The following LRRC8B variants were observed in gnomAD, a reference collection of about 807,000 sequenced individuals.
The protein encoded by LRRC8B is leucine rich repeat containing 8 VRAC subunit B, also known as volume-regulated anion channel subunit LRRC8B.
A neutral mutation model predicts 58.8 loss-of-function variants in LRRC8B; 23 were observed. The ratio of observed to expected loss-of-function variants is 0.39; its 90% confidence interval spans 0.28 to 0.55. LRRC8B has a LOEUF of 0.55. LRRC8B is among the 20% of genes least tolerant of loss of function. LRRC8B has a pLI of 0.62. For synonymous variants in LRRC8B, 359 were observed against 374.1 expected, an observed-to-expected ratio of 0.96 and a Z score of 0.47; for missense variants, 694 against 936.0, an observed-to-expected ratio of 0.74 and a Z score of 3.37.
In LRRC8B at chr1:89,579,674, A is replaced by C. The variant is rs375832362; in HGVS notation, c.-41A>C. Reference sequence around the variant, plus strand: ...GACTGAAGCATATTGGATTTATTTAATTTTTTTCACTGTAGTAAGTATAAA... The same window carrying C: ...GACTGAAGCATATTGGATTTATTTACTTTTTTTCACTGTAGTAAGTATAAA... On this transcript the variant is annotated 5_prime_UTR_variant, in exon 4 of 6. Transcript: ENST00000330947. 1 of 152,570 alleles carries C rather than the reference A, an allele frequency of 6.6e-6. No individual in the cohort carries two copies. The highest frequency in any genetic ancestry group is 1.5e-5 in the Non-Finnish European group (1 of 68,016). The allele number at this position is 152,570 out of a possible 1,614,324, so 9.5% of individuals were successfully genotyped here. A position where few individuals can be genotyped will look rare whatever the true frequency, so the allele number is the denominator to read the frequency against.
intron 1 of LRRC8B, among the ~76,000 whole-genome samples, chr1:89,559,623 T>C (rs1262028649): frequency 7.5e-6 from 1 of 133,038 alleles, no homozygotes; most frequent in Non-Finnish European, 1.6e-5. Context: ...AAAATATATA[T>C]ATATATACAC....
Position 89,560,577 on chromosome 1 carries a change from C to T in LRRC8B, c.-240-7670C>T, listed in dbSNP as rs531117030. ...ACAGTCCCCAGAGTGTGATATTCCC[C>T]TTCCTGTGTCCATGTGATCTCATTG... On this transcript the variant is annotated intron_variant, in intron 1 of 5. Transcript: ENST00000330947. Among the ~76,000 whole-genome samples the T allele has an allele frequency of 9.9e-3, 1,471 of 149,318 alleles. 12 individuals are homozygous for T. Among genetic ancestry groups the T allele is most frequent in the Non-Finnish European group, 0.014 (914 of 67,308 alleles).
rs1227139737 is a variant in LRRC8B at position 89,592,769 on chromosome 1, A to G, written c.2140-2A>G. On this transcript the variant is annotated splice_acceptor_variant, in intron 5 of 5. Coordinates refer to ENST00000330947, the MANE Select transcript of LRRC8B (RefSeq NM_001369817.2). LOFTEE classifies it high-confidence loss of function. ...CCAGCTTCTTTTTTCTTCCCTTTCC[A>G]GATTGAGATGCTACCAGATGGGCTG... The G allele has an allele frequency of 6.2e-7, 1 of 1,610,450 alleles. No individual in the cohort carries two copies.
intron 1 of LRRC8B, among the ~76,000 whole-genome samples, chr1:89,539,373 A>G (rs1463943728): frequency 2.0e-5 from 3 of 152,150 alleles, no homozygotes; most frequent in African/African-American, 7.2e-5. Context: ...AGCATCTCCT[A>G]CATGGTTTAC....
chr1:89,534,957 G>T (rs1023802829), intron 1 of LRRC8B, among the ~76,000 whole-genome samples: 2 of 151,952 alleles, frequency 1.3e-5, no homozygotes, highest in African/African-American at 4.8e-5. Context: ...TAATCCTATG[G>T]GTATTTCAAA....
chr1:89,547,815 AG>A (rs1651522696), intron 1 of LRRC8B, among the ~76,000 whole-genome samples: 1 of 139,958 alleles, frequency 7.1e-6, no homozygotes, highest in Non-Finnish European at 1.6e-5. Context: ...CGGGGAGGGG[AG>A]GGGGTGCGGG....
chr1:89,535,163 G>T (rs1233581122), intron 1 of LRRC8B, among the ~76,000 whole-genome samples: 3 of 152,192 alleles, frequency 2.0e-5, no homozygotes, highest in South Asian at 2.1e-4. Flanking sequence ...CTTAGGCAGG[G>T]TTAATTGAGT....
chr1:89,526,295 A>G (rs1034732577), intron 1 of LRRC8B, among the ~76,000 whole-genome samples: 4 of 151,812 alleles, frequency 2.6e-5, no homozygotes, highest in Non-Finnish European at 5.9e-5. Context: ...GCTCACTGCA[A>G]CCTCCACCTC....
At chr1:89,590,970 T>A (rs1215588615) in intron 5 of LRRC8B, among the ~76,000 whole-genome samples, 1 of 152,204 alleles carries the variant, frequency 6.6e-6, no homozygotes, top group Non-Finnish European at 1.5e-5. Flanking sequence ...GGGTAGAGGC[T>A]GAGGATGCTG....
intron 1 of LRRC8B, among the ~76,000 whole-genome samples, chr1:89,531,854 T>G (rs1650158645): frequency 6.6e-6 from 1 of 152,194 alleles, no homozygotes; most frequent in Non-Finnish European, 1.5e-5. Flanking sequence ...AGAGGCCTAG[T>G]GTTGTGTGTG....
At chr1:89,547,434 G>A (rs900785451) in intron 1 of LRRC8B, among the ~76,000 whole-genome samples, 4 of 152,188 alleles carry the variant, frequency 2.6e-5, no homozygotes, top group Non-Finnish European at 4.4e-5. Flanking sequence ...GTGGTGGGCA[G>A]ATGGGTTTCA....
intron 1 of LRRC8B, among the ~76,000 whole-genome samples, chr1:89,551,035 C>T (rs1166479649): frequency 1.3e-5 from 2 of 152,102 alleles, no homozygotes; most frequent in Admixed American, 1.3e-4. Context: ...GTCCTCACTG[C>T]CTCATTTATT....
At chr1:89,562,678 C>G (rs1652771006) in intron 1 of LRRC8B, among the ~76,000 whole-genome samples, 1 of 152,052 alleles carries the variant, frequency 6.6e-6, no homozygotes, top group Admixed American at 6.6e-5. Context: ...GCCTTGTTGC[C>G]CAAGCTAGTC....
At chr1:89,561,123 T>C (rs1351407327) in intron 1 of LRRC8B, among the ~76,000 whole-genome samples, 2 of 151,742 alleles carry the variant, frequency 1.3e-5, no homozygotes, top group Non-Finnish European at 2.9e-5. Context: ...TGATTTGCAT[T>C]TCTCTGATGG....
intron 1 of LRRC8B, among the ~76,000 whole-genome samples, chr1:89,545,142 C>CT (rs1651306429): frequency 6.6e-6 from 1 of 152,200 alleles, no homozygotes; most frequent in Non-Finnish European, 1.5e-5. Flanking sequence ...TTAATCCCAT[C>CT]TGATCTCTGC....
chr1:89,584,983 A>G (rs1325375982), intron 5 of LRRC8B, among the ~76,000 whole-genome samples, 194 bp downstream of exon 5: 1 of 152,220 alleles, frequency 6.6e-6, no homozygotes, highest in African/African-American at 2.4e-5. Flanking sequence ...TTATGAAAAA[A>G]CATAAAAGCA....
At chr1:89,563,434 A>T (rs1263221501) in intron 1 of LRRC8B, among the ~76,000 whole-genome samples, 1 of 152,184 alleles carries the variant, frequency 6.6e-6, no homozygotes, top group Non-Finnish European at 1.5e-5. Context: ...AAAACATTGC[A>T]TCAAGGTATA....
intron 1 of LRRC8B, among the ~76,000 whole-genome samples, chr1:89,544,363 A>G (rs1016062518): frequency 2.6e-5 from 4 of 152,160 alleles, no homozygotes; most frequent in Admixed American, 2.6e-4. Flanking sequence ...CTTTATTGTC[A>G]GTGTGCTGGG....
intron 1 of LRRC8B, among the ~76,000 whole-genome samples, chr1:89,545,734 C>T (rs906214444): frequency 6.6e-6 from 1 of 152,074 alleles, no homozygotes; most frequent in Non-Finnish European, 1.5e-5. Flanking sequence ...GAGTTAAGAA[C>T]AAGAAGACAA....
Sources: allele counts gnomAD v4.1 joint callset (sites outside exome capture counted in the v4.1 genomes callset), GRCh38; gene constraint gnomAD v4.1.1; transcripts MANE v1.5; gene names NCBI Gene and HGNC (gene_info 2026-07-23, HGNC 2026-07-21).